XYLT1: variants seen among roughly 807,000 people sequenced by gnomAD.
The protein encoded by XYLT1 is xylosyltransferase 1.
XYLT1 carries 36 observed loss-of-function variants against 91.3 expected under a neutral mutation model. The observed-to-expected ratio is 0.39, with a 90% CI of 0.30 to 0.52. XYLT1 has a LOEUF of 0.52. XYLT1 is among the 20% of genes least tolerant of loss of function. The probability of loss-of-function intolerance (pLI) is 0.68; values close to 1 mark genes in which losing one functional copy is unlikely to be tolerated. For missense variants in XYLT1, 1,242 were observed against 1,284.5 expected (o/e 0.97, Z 0.51); for synonymous variants, 588 against 532.0 (o/e 1.11, Z -1.45).
At chr16:17,274,803 TAAC>T (rs745428930) in intron 2 of XYLT1, among the ~76,000 whole-genome samples, 14 of 152,170 alleles carry the variant, frequency 9.2e-5, no homozygotes, top group Admixed American at 2.6e-4. Flanking sequence ...CCTTTTATAA[TAAC>T]AACGATCCCA....
chr16:17,461,712 A>G (rs1213865007), intron 1 of XYLT1, among the ~76,000 whole-genome samples: 1 of 152,026 alleles, frequency 6.6e-6, no homozygotes, highest in Non-Finnish European at 1.5e-5. Context: ...GCAGGGGGAG[A>G]ATGAGGGGCT....
chr16:17,353,675 C>T (rs552581588), intron 2 of XYLT1, among the ~76,000 whole-genome samples: 8 of 151,656 alleles, frequency 5.3e-5, no homozygotes, highest in African/African-American at 1.9e-4. Flanking sequence ...ACCCATATAT[C>T]TAAGTACATC....
At chr16:17,199,202 T>A (rs894504923) in intron 4 of XYLT1, among the ~76,000 whole-genome samples, 1 of 152,250 alleles carries the variant, frequency 6.6e-6, no homozygotes, top group Middle Eastern at 3.2e-3. Context: ...ACAGGTCTGC[T>A]AGAAGCCGAC....
chr16:17,154,658 T>C (rs1330537334), intron 6 of XYLT1, among the ~76,000 whole-genome samples: 1 of 152,212 alleles, frequency 6.6e-6, no homozygotes, highest in Non-Finnish European at 1.5e-5. Context: ...ACTTTACTTT[T>C]GGAGGAAAGC....
chr16:17,315,424 C>T (rs186591136), intron 2 of XYLT1, among the ~76,000 whole-genome samples: 168 of 152,334 alleles, frequency 1.1e-3, no homozygotes, highest in Non-Finnish European at 2.0e-3. Context: ...TCCCAAACCC[C>T]TATCACAAGT....
At chr16:17,293,630 G>A (rs776258799) in intron 2 of XYLT1, among the ~76,000 whole-genome samples, 1 of 151,512 alleles carries the variant, frequency 6.6e-6, no homozygotes, top group Non-Finnish European at 1.5e-5. Context: ...TGGGATTATA[G>A]GCACCCATCA....
intron 1 of XYLT1, among the ~76,000 whole-genome samples, chr16:17,455,928 CAATT>C (rs1466106753): frequency 6.6e-6 from 1 of 152,200 alleles, no homozygotes; most frequent in Non-Finnish European, 1.5e-5. Flanking sequence ...AGAGAATACG[CAATT>C]AATTATTTTT....
chr16:17,413,652 G>T (rs555865697), intron 1 of XYLT1, among the ~76,000 whole-genome samples: 2 of 151,954 alleles, frequency 1.3e-5, no homozygotes, highest in South Asian at 2.1e-4. Flanking sequence ...TGCTCAGGCC[G>T]GTCTTGAACT....
rs530274795 is a variant in XYLT1, at chr16:17,467,166, G to A, written c.363+3268C>T. ...TGTGTGCTTATGTAGGGCGGCAGGC[G>A]GGGGGTGGGAAGGGTAATAAAAAAT... is the stretch of plus-strand genomic sequence containing the variant. On this transcript the variant is annotated intron_variant, in intron 1 of 11. Transcript: ENST00000261381. Among the ~76,000 whole-genome samples, 15 of 152,278 alleles carry A rather than the reference G, an allele frequency of 9.9e-5. No homozygotes were observed. In the South Asian group the frequency reaches 1.9e-3, roughly 19 times the overall value.
At chr16:17,111,356 C>A (rs1050196555) in intron 11 of XYLT1, among the ~76,000 whole-genome samples, 5 of 152,162 alleles carry the variant, frequency 3.3e-5, no homozygotes, top group Non-Finnish European at 4.4e-5. Context: ...TGAAGACGTT[C>A]ACATTCATTG....
chr16:17,449,815 C>T (rs2036642016), intron 1 of XYLT1, among the ~76,000 whole-genome samples: 1 of 152,184 alleles, frequency 6.6e-6, no homozygotes, highest in South Asian at 2.1e-4. Context: ...GGCATGATTC[C>T]TTGTTCTAGA....
rs555164134 is a variant in XYLT1 at position 17,368,004 on chromosome 16, C to T, written c.364-9954G>A. Among the ~76,000 whole-genome samples the T allele has an allele frequency of 5.3e-4, 80 of 152,338 alleles. 1 individual carries two copies. The highest frequency in any genetic ancestry group is 1.9e-3 in the African/African-American group (77 of 41,578). On this transcript the variant is annotated intron_variant, in intron 1 of 11. Transcript: ENST00000261381. ...CCCTCCCTGCTTTTCTTCACTTCCT[C>T]CTCTTTTGCTCCTTCACAAGAGCCT...
rs114211560 is a variant in XYLT1 at position 17,198,767 on chromosome 16, C to T, written c.1087-353G>A. On this transcript the variant is annotated intron_variant, in intron 4 of 11. Coordinates refer to ENST00000261381, the MANE Select transcript of XYLT1 (RefSeq NM_022166.4). Reference sequence around the variant, plus strand: ...GTCTTGCTTTATTTATTTACTTAGACAGAGTCTCGCTCCGTCACCCGGGCT... The same window carrying T: ...GTCTTGCTTTATTTATTTACTTAGATAGAGTCTCGCTCCGTCACCCGGGCT... 9.0e-3 allele frequency among the ~76,000 whole-genome samples: 1,375 copies of T among 152,130 alleles called. 22 individuals are homozygous for T. Among genetic ancestry groups the T allele is most frequent in the African/African-American group, 0.031 (1,299 of 41,500 alleles).
chr16:17,220,739 T>C (rs2032952243), intron 3 of XYLT1, among the ~76,000 whole-genome samples: 1 of 152,136 alleles, frequency 6.6e-6, no homozygotes, highest in African/African-American at 2.4e-5. Context: ...TCTCAAAGTG[T>C]TGGGATAACA....
intron 2 of XYLT1, among the ~76,000 whole-genome samples, chr16:17,316,484 C>T (rs1297341609): frequency 1.3e-5 from 2 of 151,532 alleles, no homozygotes; most frequent in Non-Finnish European, 2.9e-5. Flanking sequence ...GCAGCCTCTA[C>T]CTCCTGGGCT....
chr16:17,169,830 A>G (rs1168114244), intron 5 of XYLT1, among the ~76,000 whole-genome samples: 1 of 152,224 alleles, frequency 6.6e-6, no homozygotes, highest in Non-Finnish European at 1.5e-5. Context: ...ACAATGATTG[A>G]TTACAGCCAG....
At chr16:17,118,847 A>G (rs902290242) in intron 10 of XYLT1, among the ~76,000 whole-genome samples, 7 of 151,892 alleles carry the variant, frequency 4.6e-5, no homozygotes, top group African/African-American at 1.2e-4. Context: ...AGCCACCTCA[A>G]TCAAGGCAGG....
intron 1 of XYLT1, among the ~76,000 whole-genome samples, chr16:17,418,779 T>C (rs2036212259): frequency 6.6e-6 from 1 of 151,434 alleles, no homozygotes; most frequent in African/African-American, 2.4e-5. Context: ...GACCTGGACA[T>C]TGAGGCTGCA....
chr16:17,467,181 TAATA>T, intron 1 of XYLT1, among the ~76,000 whole-genome samples: 1 of 152,132 alleles, frequency 6.6e-6, no homozygotes, highest in Admixed American at 6.5e-5. Context: ...GTGGGAAGGG[TAATA>T]AAAAATTAGA....
Sources: gnomAD v4.1 joint callset for allele counts (sites outside exome capture counted in the v4.1 genomes callset) on GRCh38, gnomAD v4.1.1 for gene constraint, MANE v1.5 for transcripts, NCBI Gene and HGNC (gene_info 2026-07-23, HGNC 2026-07-21) for gene names.